Variants in SRCAP observed in about 807,000 individuals in gnomAD.
SRCAP encodes Snf2 related CREBBP activator protein.
SRCAP carries 46 observed loss-of-function variants against 263.1 expected under a neutral mutation model. The observed-to-expected ratio is 0.17, with a 90% CI of 0.14 to 0.22. The LOEUF (loss-of-function observed/expected upper bound fraction) is 0.22. Ranked by LOEUF, SRCAP falls within the 10% of genes least tolerant of loss-of-function variation. The pLI is 1.00. For synonymous variants in SRCAP, 1,813 were observed against 1,662.1 expected (o/e 1.09, Z -2.21); for missense variants, 3,695 against 4,181.9 (o/e 0.88, Z 3.21).
chr16:30,721,157 A>G lies in SRCAP; in HGVS notation c.3254-32A>G, dbSNP rs780273150. 6 of 1,574,808 alleles carry G rather than the reference A, an allele frequency of 3.8e-6. No homozygotes were observed. The South Asian group carries it at 6.0e-5, about 16-fold the overall frequency. On this transcript the variant is annotated intron_variant, in intron 20 of 33. Coordinates refer to ENST00000262518, the MANE Select transcript of SRCAP (RefSeq NM_006662.3). ...ACCAGGCTAAGGCTTTAGTCAGGGT[A>G]TATCTGACAGGTGTTTGCTTTGTGT...
Position 30,739,486 on chromosome 16 carries a change from C to G in SRCAP, c.9446C>G (p.Pro3149Arg). The change falls in exon 34 of 34, where the codon CCT becomes CGT. Residue 3149 changes from proline to arginine, a missense_variant. Pro to Arg is a moderately radical substitution (Grantham distance 103, BLOSUM62 -2). Coordinates refer to ENST00000262518, the MANE Select transcript of SRCAP (RefSeq NM_006662.3). ...KRAGAPVGGS[P>R]GLAKRGRLQP... is the part of the protein sequence containing the mutation. ...GCAGGGGCCCCAGTTGGTGGGAGTCCTGGGCTGGCAAAGCGGGGCCGCCTA... is the reference window on the plus strand; with the variant it reads ...GCAGGGGCCCCAGTTGGTGGGAGTCGTGGGCTGGCAAAGCGGGGCCGCCTA... 2 of 1,613,904 alleles carry G rather than the reference C, an allele frequency of 1.2e-6. No individual in the cohort carries two copies. The highest frequency in any genetic ancestry group is 1.7e-6 in the Non-Finnish European group (2 of 1,179,946).
intron 27 of SRCAP, among the ~76,000 whole-genome samples, chr16:30,732,822 A>G (rs553029382): frequency 1.3e-5 from 2 of 152,326 alleles, no homozygotes; most frequent in East Asian, 3.9e-4. Flanking sequence ...AAGAACTTGT[A>G]TGGAGTTAAA....
In SRCAP at chr16:30,723,173, C is replaced by G; in HGVS notation, c.4103C>G (p.Pro1368Arg). ...ACTGCTCGAGCCCCCATGCCCACAC[C>G]CACTCTGGTGAGGCCTCTTCTCAAG... ...LGTARAPMPT[P>R]TLVRPLLKLV... is the part of the protein sequence containing the mutation. The change falls in exon 24 of 34, where the codon CCC becomes CGC. Residue 1368 changes from proline (P) to arginine (R), a missense_variant. Pro to Arg is a moderately radical substitution (Grantham distance 103). Transcript: ENST00000262518. 4 of 1,614,134 alleles carry G rather than the reference C, an allele frequency of 2.5e-6. No individual in the cohort carries two copies. Among genetic ancestry groups the G allele is most frequent in the Non-Finnish European group, 3.4e-6 (4 of 1,180,026 alleles).
At chr16:30,713,114 C>G in intron 14 of SRCAP, 94 bp from the exon 15 acceptor site, 1 of 1,362,088 alleles carries the variant, frequency 7.3e-7, no homozygotes, top group Non-Finnish European at 1.0e-6. Context: ...TTTCTTCCAA[C>G]CTGATTACTG....
intron 4 of SRCAP, among the ~76,000 whole-genome samples, chr16:30,706,944 A>T (rs1646633059): frequency 6.6e-6 from 1 of 152,170 alleles, no homozygotes; most frequent in Admixed American, 6.5e-5. Flanking sequence ...ATTTTCTATT[A>T]CTTTCTAGCT....
rs143995466 is a variant in SRCAP, at chr16:30,720,097, A to G, written c.2818-65A>G. ...CACTTAAGGATAATGGCCTCCAGCT[A>G]CATCTGCGTTGCAAAGGATGTGATT... On this transcript the variant is annotated intron_variant, in intron 18 of 33. Transcript: ENST00000262518. 816 of 1,540,320 alleles carry G rather than the reference A, an allele frequency of 5.3e-4. 3 individuals carry two copies. Among genetic ancestry groups the G allele is most frequent in the Middle Eastern group, 8.7e-4 (5 of 5,776 alleles).
rs1466099528 is a variant in SRCAP, at chr16:30,740,211, T to C, written c.*478T>C. Reference sequence around the variant, plus strand: ...GGCATCGTTTTTCTCCTCCCTCTTGTTCTTGCAAAGATCCTAGCACCTGAT... The same window carrying C: ...GGCATCGTTTTTCTCCTCCCTCTTGCTCTTGCAAAGATCCTAGCACCTGAT... On this transcript the variant is annotated 3_prime_UTR_variant, in exon 34 of 34. Transcript: ENST00000262518. The C allele has an allele frequency of 1.3e-5, 2 of 152,668 alleles. No homozygotes were observed. Among genetic ancestry groups the C allele is most frequent in the Non-Finnish European group, 2.9e-5 (2 of 68,160 alleles). The allele number at this position is 152,668 out of a possible 1,614,324, so 9.5% of individuals were successfully genotyped here.
chr16:30,700,258 G>A (rs1470810100), intron 2 of SRCAP, among the ~76,000 whole-genome samples: 1 of 152,148 alleles, frequency 6.6e-6, no homozygotes, highest in Non-Finnish European at 1.5e-5. Context: ...CTTTTTTACT[G>A]TGTAACCTTC....
At position 30,733,770 on chromosome 16, in the gene SRCAP, G is replaced by A; in HGVS notation, c.6466G>A (p.Gly2156Ser). The A allele has an allele frequency of 6.2e-7, 1 of 1,613,958 alleles. No individual in the cohort carries two copies. Among genetic ancestry groups the A allele is most frequent in the Non-Finnish European group, 8.5e-7 (1 of 1,179,938 alleles). ...AQAQDRCHRIGQTRDVHIYRL... is the reference protein window; with the variant it reads ...AQAQDRCHRISQTRDVHIYRL... The stretch of plus-strand genomic sequence containing the variant: ...GGCCCAGGACCGCTGTCACCGAATT[G>A]GCCAGACCCGGGATGTCCACATATA... Residue 2156 changes from glycine (G) to serine (S), a missense_variant, in exon 29 of 34, where the codon GGC (glycine) becomes AGC (serine). By Grantham distance (56) the Gly-to-Ser change is moderately conservative. This residue lies in a region of SRCAP where 138 missense variants were observed against 254.9 expected (regional missense o/e 0.54). Transcript: ENST00000262518. This position sits in a 1 kb window ranked among gnomAD's most constrained non-coding sequence, Gnocchi z 5.3.
intron 4 of SRCAP, among the ~76,000 whole-genome samples, chr16:30,706,510 T>G (rs1363696767): frequency 6.6e-6 from 1 of 152,060 alleles, no homozygotes; most frequent in East Asian, 1.9e-4. Context: ...TCAAAAAAAT[T>G]TTAAATGCTT....
At chr16:30,700,112 A>G in intron 2 of SRCAP, 131 bp downstream of exon 2, 1 of 152,218 alleles carries the variant, frequency 6.6e-6, no homozygotes, top group Non-Finnish European at 1.5e-5. Context: ...ATTTTTCTGT[A>G]GAGGGTTTGA....
intron 24 of SRCAP, 71 bp from the exon 25 acceptor site, chr16:30,723,513 G>C: frequency 6.5e-7 from 1 of 1,535,026 alleles, no homozygotes; most frequent in South Asian, 1.3e-5. Flanking sequence ...GGGGGTATGG[G>C]AAAGATGGGA....
Position 30,724,169 on chromosome 16 carries a change from C to G in SRCAP, c.4745C>G (p.Ala1582Gly). 7 of 1,614,148 alleles carry G rather than the reference C, an allele frequency of 4.3e-6. No homozygotes were observed. Among genetic ancestry groups the G allele is most frequent in the Non-Finnish European group, 5.9e-6 (7 of 1,180,024 alleles). The change falls in exon 25 of 34, where the codon GCT (alanine) becomes GGT (glycine). Residue 1582 changes from alanine to glycine, a missense_variant. Ala to Gly is a moderately conservative substitution (Grantham distance 60). Around this residue, in one of 12 missense-constraint regions of SRCAP, gnomAD observed 1,347 missense variants for 1,304.4 expected, o/e 1.03. Transcript: ENST00000262518. Reference protein sequence around the residue: ...LLAPASSASQALATPLAPMAA... With the variant: ...LLAPASSASQGLATPLAPMAA... The stretch of plus-strand genomic sequence containing the variant: ...GCTCCAGCATCTTCTGCATCTCAGG[C>G]TCTAGCCACCCCTCTGGCTCCTATG...
chr16:30,721,518 G>A (rs757105731), intron 21 of SRCAP, 42 bp downstream of exon 21: 6 of 1,589,674 alleles, frequency 3.8e-6, no homozygotes, highest in Non-Finnish European at 4.3e-6. Flanking sequence ...TGAGATGGGA[G>A]GAAAGCTCAG....
chr16:30,731,909 C>T (rs770248128), intron 27 of SRCAP, among the ~76,000 whole-genome samples: 5 of 151,666 alleles, frequency 3.3e-5, no homozygotes, highest in African/African-American at 4.8e-5. Flanking sequence ...CTTTGAGAGG[C>T]TGAGGTGAGT....
Position 30,734,482 on chromosome 16 carries a change from G to A in SRCAP, c.6610-14G>A, listed in dbSNP as rs377594318. 9.3e-6 allele frequency: 15 copies of A among 1,613,820 alleles called. No individual in the cohort carries two copies. The highest frequency in any genetic ancestry group is 1.3e-5 in the Non-Finnish European group (15 of 1,179,972). ...TCTGTTGACTCTGACACTTCCCTCT[G>A]TTCTATCCGATAGCAGACCATCCGA... On this transcript the variant is annotated splice_polypyrimidine_tract_variant and intron_variant, in intron 30 of 33. Transcript: ENST00000262518.
chr16:30,727,426 TTTG>T (rs1362201900), intron 25 of SRCAP, among the ~76,000 whole-genome samples: 2 of 152,216 alleles, frequency 1.3e-5, no homozygotes, highest in African/African-American at 4.8e-5. Flanking sequence ...AGTGTCTCAC[TTTG>T]TCAATCAGGC....
intron 8 of SRCAP, 34 bp downstream of exon 8, chr16:30,710,162 G>C: frequency 6.3e-7 from 1 of 1,597,220 alleles, no homozygotes; most frequent in South Asian, 1.1e-5. Flanking sequence ...AGGGTTCAGA[G>C]GGGGAACAGA....
chr16:30,717,913 ATT>A (rs747599108), intron 18 of SRCAP, among the ~76,000 whole-genome samples: 42 of 120,896 alleles, frequency 3.5e-4, no homozygotes, highest in Admixed American at 4.1e-4. Context: ...GGCCCTGCTG[ATT>A]TTTTTTTTTT....
Sources: gnomAD v4.1 joint callset for allele counts (sites outside exome capture counted in the v4.1 genomes callset) on GRCh38, gnomAD v4.1.1 for gene constraint, gnomAD v4.1.1 regional missense constraint, Gnocchi (gnomAD v3.1) non-coding constraint, MANE v1.5 for transcripts, NCBI Gene and HGNC (gene_info 2026-07-23, HGNC 2026-07-21) for gene names.